The following ZNF620 variants were observed in gnomAD, a reference collection of about 807,000 sequenced individuals.
The protein encoded by ZNF620 is zinc finger protein 620.
ZNF620 carries 10 observed loss-of-function variants against 13.3 expected under a neutral mutation model. The ratio of observed to expected loss-of-function variants is 0.75; its 90% CI spans 0.46 to 1.28. The LOEUF (loss-of-function observed/expected upper bound fraction) is 1.28. ZNF620 is among the 50% of genes most tolerant of loss of function. ZNF620 has a pLI of 0.00. For synonymous variants in ZNF620, 166 were observed against 177.6 expected, an observed-to-expected ratio of 0.93 and a Z score of 0.52; for missense variants, 461 against 500.2, an observed-to-expected ratio of 0.92 and a Z score of 0.75.
chr3:40,511,315 G>C (rs949609163), intron 2 of ZNF620, among the ~76,000 whole-genome samples, 155 bp from the exon 3 acceptor site: 1 of 152,174 alleles, frequency 6.6e-6, no homozygotes, highest in Non-Finnish European at 1.5e-5. Flanking sequence ...GGACTCCCCT[G>C]TTGGTGCGGG....
At position 40,518,117 on chromosome 3, in the gene ZNF620, T is replaced by G. The variant is rs1290954219; in HGVS notation, c.*1254T>G. 6.6e-6 allele frequency: 1 copy of G among 152,274 alleles called. No individual in the cohort carries two copies. The highest frequency in any genetic ancestry group is 1.5e-5 in the Non-Finnish European group (1 of 68,048). 9.4% of individuals were successfully genotyped at this position (152,274 alleles called of 1,614,324 possible). A position where few individuals can be genotyped will look rare whatever the true frequency, so the allele number is the denominator to read the frequency against. On this transcript the variant is annotated 3_prime_UTR_variant, in exon 5 of 5. Coordinates refer to ENST00000314529, the MANE Select transcript of ZNF620 (RefSeq NM_175888.4). Reference sequence around the variant, plus strand: ...TTTTCTTGCAATTCCATCTAGTTATTTTTTATGATCATGGAAGAACCTACC... The same window carrying G: ...TTTTCTTGCAATTCCATCTAGTTATGTTTTATGATCATGGAAGAACCTACC...
At chr3:40,511,328 A>G in intron 2 of ZNF620, 142 bp from the exon 3 acceptor site, 3 of 1,180,094 alleles carry the variant, frequency 2.5e-6, no homozygotes, top group Middle Eastern at 2.9e-4. Flanking sequence ...GGTGCGGGCA[A>G]AGATGGCTGA....
At chr3:40,514,380 A>G (rs1698308224) in intron 4 of ZNF620, among the ~76,000 whole-genome samples, 1 of 152,060 alleles carries the variant, frequency 6.6e-6, no homozygotes, top group Admixed American at 6.5e-5. Flanking sequence ...TTTGCCTTGT[A>G]CATAATCAAT....
At position 40,518,542 on chromosome 3, in the gene ZNF620, A is replaced by C. The variant is rs1404733099; in HGVS notation, c.*1679A>C. 1 of 151,976 alleles carries C rather than the reference A, an allele frequency of 6.6e-6. No homozygotes were observed. Among genetic ancestry groups the C allele is most frequent in the Non-Finnish European group, 1.5e-5 (1 of 68,004 alleles). The allele number at this position is 151,976 out of a possible 1,614,324, so 9.4% of individuals were successfully genotyped here. On this transcript the variant is annotated 3_prime_UTR_variant, in exon 5 of 5. Coordinates refer to ENST00000314529, the MANE Select transcript of ZNF620 (RefSeq NM_175888.4). ...TCAGGAGATCAAGACCATCCTGCTAACACACTGAAACCCTGTCTCTACTAA... is the reference window on the plus strand; with the variant it reads ...TCAGGAGATCAAGACCATCCTGCTACCACACTGAAACCCTGTCTCTACTAA...
At chr3:40,514,075 G>C (rs932410034) in intron 4 of ZNF620, among the ~76,000 whole-genome samples, 16 of 152,118 alleles carry the variant, frequency 1.1e-4, no homozygotes, top group Admixed American at 3.9e-4. Context: ...AGTTAGAGAA[G>C]ACTGCTCCAC....
At chr3:40,513,844 G>C (rs1360919212) in intron 4 of ZNF620, among the ~76,000 whole-genome samples, 2 of 152,176 alleles carry the variant, frequency 1.3e-5, no homozygotes, top group African/African-American at 4.8e-5. Context: ...TACAGAGATA[G>C]GAGCTGAAGG....
At position 40,511,546 on chromosome 3, in the gene ZNF620, C is replaced by A. The variant is rs891240921; in HGVS notation, c.101C>A (p.Ala34Asp). ...EWASLDSVQR[A>D]LYREVMLENY... is the part of the protein sequence containing the mutation. ...GCCAGCCTGGACTCTGTGCAGAGGG[C>A]CCTGTACAGGGAAGTGATGCTGGAG... Residue 34 changes from alanine to aspartate, a missense_variant, in exon 3 of 5, where the codon GCC becomes GAC. By Grantham distance (126) the Ala-to-Asp change is moderately radical (BLOSUM62 -2). Coordinates refer to ENST00000314529, the MANE Select transcript of ZNF620 (RefSeq NM_175888.4). 2 of 1,613,600 alleles carry A rather than the reference C, an allele frequency of 1.2e-6. No homozygotes were observed. The highest frequency in any genetic ancestry group is 1.7e-6 in the Non-Finnish European group (2 of 1,179,862).
At chr3:40,514,564 C>T (rs1055016181) in intron 4 of ZNF620, among the ~76,000 whole-genome samples, 31 of 152,086 alleles carry the variant, frequency 2.0e-4, no homozygotes, top group Admixed American at 2.0e-3. Context: ...CTGGACCCTA[C>T]ACCAGCCTGA....
At chr3:40,509,357 C>T (rs868694605) in intron 2 of ZNF620, among the ~76,000 whole-genome samples, 3 of 151,780 alleles carry the variant, frequency 2.0e-5, no homozygotes, top group Admixed American at 1.3e-4. Context: ...CAGCCTCCCA[C>T]GTAGCTGGGA....
chr3:40,513,197 G>A (rs1241289965), intron 4 of ZNF620, among the ~76,000 whole-genome samples: 1 of 151,040 alleles, frequency 6.6e-6, no homozygotes. Context: ...GGGCATGGTG[G>A]CTCATACCTG....
rs1199984512 is a variant in ZNF620, at chr3:40,517,680, A to G, written c.*817A>G. 1 of 152,262 alleles carries G rather than the reference A, an allele frequency of 6.6e-6. No individual in the cohort carries two copies. Among genetic ancestry groups the G allele is most frequent in the African/African-American group, 2.4e-5 (1 of 41,468 alleles). 9.4% of individuals were successfully genotyped at this position (152,262 alleles called of 1,614,324 possible). On this transcript the variant is annotated 3_prime_UTR_variant, in exon 5 of 5. Transcript: ENST00000314529. ...CAATTCTATACTCCAAAGTATAAGTATAGAATAAAGGCATTTCAGACCCTT... is the reference window on the plus strand; with the variant it reads ...CAATTCTATACTCCAAAGTATAAGTGTAGAATAAAGGCATTTCAGACCCTT...
At chr3:40,510,295 A>T (rs1283928899) in intron 2 of ZNF620, among the ~76,000 whole-genome samples, 1 of 152,050 alleles carries the variant, frequency 6.6e-6, no homozygotes, top group Non-Finnish European at 1.5e-5. Context: ...TTACAGGTGT[A>T]ATCTGTAATC....
intron 3 of ZNF620, among the ~76,000 whole-genome samples, chr3:40,511,966 G>A (rs1235937421): frequency 1.3e-5 from 2 of 152,080 alleles, no homozygotes; most frequent in African/African-American, 4.8e-5. Context: ...ACATGTGTGA[G>A]CCACCGCTCC....
At chr3:40,514,124 C>T (rs1017538659) in intron 4 of ZNF620, among the ~76,000 whole-genome samples, 4 of 152,192 alleles carry the variant, frequency 2.6e-5, no homozygotes, top group East Asian at 1.9e-4. Context: ...CAGGCCCACC[C>T]GCAGCCATCC....
At position 40,512,513 on chromosome 3, in the gene ZNF620, C is replaced by T. The variant is rs1698232999; in HGVS notation, c.263C>T (p.Pro88Leu). The change falls in exon 4 of 5, where the codon CCA becomes CTA. Residue 88 changes from proline (P) to leucine (L), a missense_variant and splice_region_variant. Physicochemically the swap from Pro to Leu is moderately conservative, Grantham distance 98 (BLOSUM62 -3). Coordinates refer to ENST00000314529, the MANE Select transcript of ZNF620 (RefSeq NM_175888.4). ...AGGGAGGCTCTCAGAGGTATCTGTC[C>T]AGGTGAGCATGAGAACCCACTAGCT... ...MGREALRGIC[P>L]GDEARTEKEG... 6.3e-7 allele frequency: 1 copy of T among 1,597,378 alleles called. No individual in the cohort carries two copies. Among genetic ancestry groups the T allele is most frequent in the Admixed American group, 1.8e-5 (1 of 55,258 alleles).
intron 2 of ZNF620, among the ~76,000 whole-genome samples, chr3:40,506,946 T>A (rs1405979657): frequency 6.6e-6 from 1 of 152,114 alleles, no homozygotes; most frequent in East Asian, 1.9e-4. Flanking sequence ...CACTGTAGGT[T>A]TCTTGCTTTT....
intron 2 of ZNF620, 46 bp downstream of exon 2, chr3:40,506,422 A>G (rs1698020587): frequency 1.9e-6 from 3 of 1,583,308 alleles, no homozygotes; most frequent in Non-Finnish European, 1.7e-6. Flanking sequence ...AGATGTCAAG[A>G]GAGAGCAGGT....
At chr3:40,512,560 T>G in intron 4 of ZNF620, 45 bp downstream of exon 4, 2 of 1,388,084 alleles carry the variant, frequency 1.4e-6, no homozygotes, top group Non-Finnish European at 2.0e-6. Flanking sequence ...TTGGCTTGCT[T>G]TCTTGTTTTC....
intron 4 of ZNF620, among the ~76,000 whole-genome samples, chr3:40,513,753 CATT>C (rs1344457234): frequency 6.6e-6 from 1 of 151,810 alleles, no homozygotes; most frequent in Non-Finnish European, 1.5e-5. Context: ...TATTATTAAT[CATT>C]AGTTTGTAGC....
Sources: gnomAD v4.1 joint callset for allele counts (sites outside exome capture counted in the v4.1 genomes callset) on GRCh38, gnomAD v4.1.1 for gene constraint, MANE v1.5 for transcripts, NCBI Gene and HGNC (gene_info 2026-07-23, HGNC 2026-07-21) for gene names.